Variants in SCD5 observed in about 807,000 individuals in gnomAD.
The protein encoded by SCD5 is stearoyl-CoA desaturase 5, also known as acyl-CoA-desaturase 4.
In SCD5, 20 loss-of-function variants were observed where a neutral mutation model predicts 30.4. That is an observed-to-expected ratio of 0.66 (90% CI 0.46 to 0.96). The LOEUF (loss-of-function observed/expected upper bound fraction) is 0.96. Among genes scored for constraint, SCD5 ranks in the 40% least tolerant of loss-of-function variants. The pLI is 0.00. For missense variants in SCD5, 381 were observed against 443.3 expected, an observed-to-expected ratio of 0.86 and a Z score of 1.26; for synonymous variants, 173 against 176.4, an observed-to-expected ratio of 0.98 and a Z score of 0.16.
chr4:82,783,400 G>T (rs1721917336), intron 1 of SCD5, among the ~76,000 whole-genome samples: 1 of 152,202 alleles, frequency 6.6e-6, no homozygotes, highest in South Asian at 2.1e-4. Context: ...GAAAAAAATA[G>T]CTAAAGAGGA....
chr4:82,694,523 A>T (rs899730825), intron 2 of SCD5, among the ~76,000 whole-genome samples: 12 of 152,100 alleles, frequency 7.9e-5, no homozygotes, highest in Non-Finnish European at 1.2e-4. Flanking sequence ...GGCTTTGAAA[A>T]TTTTATTTTA....
chr4:82,712,562 C>T (rs921824907), intron 1 of SCD5, among the ~76,000 whole-genome samples: 9 of 151,438 alleles, frequency 5.9e-5, no homozygotes, highest in African/African-American at 4.9e-5. Flanking sequence ...GTGAGCTGCC[C>T]GCCTTGGCCT....
intron 1 of SCD5, among the ~76,000 whole-genome samples, chr4:82,759,904 A>T (rs185939777): frequency 7.2e-5 from 11 of 152,166 alleles, no homozygotes; most frequent in African/African-American, 2.4e-4. Flanking sequence ...TTTCCTATTG[A>T]TCCAATCTCA....
intron 1 of SCD5, among the ~76,000 whole-genome samples, chr4:82,793,170 TTTAA>T (rs1560565245): frequency 6.6e-6 from 1 of 152,154 alleles, no homozygotes; most frequent in African/African-American, 2.4e-5. Context: ...TTTTTAGTAG[TTTAA>T]TTGAGCATTA....
chr4:82,748,006 T>C (rs1406420895), intron 1 of SCD5, among the ~76,000 whole-genome samples: 1 of 152,188 alleles, frequency 6.6e-6, no homozygotes, highest in African/African-American at 2.4e-5. Context: ...GGAAGATTAC[T>C]GCTGAGGAAA....
At chr4:82,742,029 G>A (rs976351526) in intron 1 of SCD5, among the ~76,000 whole-genome samples, 3 of 150,036 alleles carry the variant, frequency 2.0e-5, no homozygotes, top group African/African-American at 7.4e-5. Context: ...GCAGTGAGCC[G>A]AGATCGCACC....
chr4:82,685,177 C>T (rs72661250), intron 2 of SCD5, among the ~76,000 whole-genome samples: 3,610 of 152,144 alleles, frequency 0.024, 74 homozygotes, highest in South Asian at 0.097. Context: ...GTTCTAAGAA[C>T]GCTGGGCATA....
At chr4:82,742,034 C>T (rs28635362) in intron 1 of SCD5, among the ~76,000 whole-genome samples, 8,462 of 149,222 alleles carry the variant, frequency 0.057, 338 homozygotes, top group African/African-American at 0.1. Flanking sequence ...GAGCCGAGAT[C>T]GCACCACTGC....
At chr4:82,703,321 G>T (rs764425322) in intron 2 of SCD5, among the ~76,000 whole-genome samples, 3 of 152,004 alleles carry the variant, frequency 2.0e-5, no homozygotes, top group Non-Finnish European at 4.4e-5. Flanking sequence ...CTATATGACA[G>T]ACATTAGCAT....
At chr4:82,739,287 T>C (rs947882114) in intron 1 of SCD5, among the ~76,000 whole-genome samples, 1 of 152,176 alleles carries the variant, frequency 6.6e-6, no homozygotes, top group Non-Finnish European at 1.5e-5. Context: ...GGCCTGGAAG[T>C]GGAGAGGGCT....
intron 1 of SCD5, among the ~76,000 whole-genome samples, chr4:82,747,069 G>GCCCTCC (rs1553918955): frequency 7.2e-6 from 1 of 139,698 alleles, no homozygotes; most frequent in Admixed American, 7.2e-5. Flanking sequence ...TGGGCAACCT[G>GCCCTCC]CCCCCCAAGA....
intron 1 of SCD5, among the ~76,000 whole-genome samples, chr4:82,771,014 G>A (rs183635714): frequency 4.3e-4 from 66 of 152,278 alleles, no homozygotes; most frequent in Non-Finnish European, 7.8e-4. Context: ...CACCCAGCCT[G>A]GAGTGCAGTG....
chr4:82,631,932 T>C (rs755275728), intron 4 of SCD5, among the ~76,000 whole-genome samples: 59 of 152,320 alleles, frequency 3.9e-4, no homozygotes, highest in Middle Eastern at 6.8e-3. Flanking sequence ...AATAGGTAAG[T>C]AAATTAAATA....
chr4:82,686,811 TAA>T (rs1165221481), intron 2 of SCD5, among the ~76,000 whole-genome samples: 1 of 24,190 alleles, frequency 4.1e-5, no homozygotes, highest in African/African-American at 1.9e-4. Context: ...TATTAAAAAC[TAA>T]TTAACAAAAA....
intron 3 of SCD5, among the ~76,000 whole-genome samples, chr4:82,650,570 C>A (rs1326738346): frequency 2.0e-5 from 3 of 152,172 alleles, no homozygotes; most frequent in African/African-American, 7.2e-5. Context: ...GTGGTACACA[C>A]CTGTGGGCCC....
chr4:82,655,531 C>T (rs552167667), intron 3 of SCD5, among the ~76,000 whole-genome samples: 18 of 152,224 alleles, frequency 1.2e-4, no homozygotes, highest in African/African-American at 4.3e-4. Flanking sequence ...AAAAGATGCA[C>T]ATAATTAGGA....
At chr4:82,702,197 T>G (rs758791562) in intron 2 of SCD5, among the ~76,000 whole-genome samples, 1 of 127,870 alleles carries the variant, frequency 7.8e-6, no homozygotes, top group Admixed American at 1.0e-4. Flanking sequence ...CAGGCTGGAG[T>G]GCAGTGGTGT....
chr4:82,709,336 G>A (rs1720032724), intron 1 of SCD5, among the ~76,000 whole-genome samples: 1 of 152,130 alleles, frequency 6.6e-6, no homozygotes, highest in African/African-American at 2.4e-5. Flanking sequence ...TTATGAGACA[G>A]TTTCATTGAG....
At chr4:82,684,980 G>T (rs1277482024) in intron 2 of SCD5, among the ~76,000 whole-genome samples, 1 of 152,154 alleles carries the variant, frequency 6.6e-6, no homozygotes, top group Non-Finnish European at 1.5e-5. Flanking sequence ...CTGAAGCTTA[G>T]ATACTTAAAC....
Sources: allele counts gnomAD v4.1 joint callset (sites outside exome capture counted in the v4.1 genomes callset), GRCh38; gene constraint gnomAD v4.1.1; transcripts MANE v1.5; gene names NCBI Gene and HGNC (gene_info 2026-07-23, HGNC 2026-07-21).